TSPAN18: variants seen among roughly 807,000 people sequenced by gnomAD.
TSPAN18 encodes the protein tetraspanin-18.
A neutral mutation model predicts 27.3 loss-of-function variants in TSPAN18; 14 were observed. That is an observed-to-expected ratio of 0.51 (90% CI 0.34 to 0.80). The LOEUF (loss-of-function observed/expected upper bound fraction) is 0.80, where lower values mean the gene tolerates loss of function less well. Ranked by LOEUF, TSPAN18 falls within the 30% of genes least tolerant of loss-of-function variation. The pLI, the probability that TSPAN18 is intolerant of heterozygous loss-of-function variation, is 0.01. For missense variants in TSPAN18, 268 were observed against 323.9 expected, an observed-to-expected ratio of 0.83 and a Z score of 1.32; for synonymous variants, 143 against 136.5, an observed-to-expected ratio of 1.05 and a Z score of -0.33.
chr11:44,802,563 G>T (rs1856504803), intron 2 of TSPAN18, among the ~76,000 whole-genome samples: 1 of 145,762 alleles, frequency 6.9e-6, no homozygotes, highest in East Asian at 2.0e-4. Flanking sequence ...TGCCTCCCCA[G>T]CCCCCACTGG....
At chr11:44,862,744 C>T (rs1857931368) in intron 3 of TSPAN18, among the ~76,000 whole-genome samples, 1 of 152,210 alleles carries the variant, frequency 6.6e-6, no homozygotes, top group Non-Finnish European at 1.5e-5. Context: ...CATAACTGGG[C>T]TGGCTTGGTA....
At chr11:44,777,089 C>A (rs917154338) in intron 2 of TSPAN18, among the ~76,000 whole-genome samples, 2 of 152,166 alleles carry the variant, frequency 1.3e-5, no homozygotes, top group Admixed American at 1.3e-4. Flanking sequence ...TAGGAGCGGA[C>A]CTAGATGGGA....
intron 2 of TSPAN18, among the ~76,000 whole-genome samples, chr11:44,854,742 C>A (rs969138934): frequency 6.6e-6 from 1 of 152,128 alleles, no homozygotes; most frequent in Non-Finnish European, 1.5e-5. Flanking sequence ...TCACCTGGAT[C>A]CTACCGTTGC....
intron 2 of TSPAN18, among the ~76,000 whole-genome samples, chr11:44,846,264 C>T (rs1045874627): frequency 1.3e-5 from 2 of 152,248 alleles, no homozygotes; most frequent in Non-Finnish European, 2.9e-5. Context: ...GTGACTCTAG[C>T]ATTCCGGCTT....
chr11:44,906,638 G>A (rs930372385), intron 4 of TSPAN18, among the ~76,000 whole-genome samples, 159 bp downstream of exon 4: 2 of 152,218 alleles, frequency 1.3e-5, no homozygotes, highest in African/African-American at 2.4e-5. Flanking sequence ...GGGGCCCCCA[G>A]CAGTGCCCAC....
At chr11:44,880,820 C>T (rs757445231) in intron 3 of TSPAN18, among the ~76,000 whole-genome samples, 20 of 152,248 alleles carry the variant, frequency 1.3e-4, no homozygotes, top group Non-Finnish European at 7.3e-5. Context: ...TGACTGATTC[C>T]TCCGTGAGAG....
intron 2 of TSPAN18, among the ~76,000 whole-genome samples, chr11:44,854,143 C>G (rs776644729): frequency 3.5e-5 from 5 of 142,718 alleles, no homozygotes; most frequent in Non-Finnish European, 7.5e-5. Flanking sequence ...TATACACATA[C>G]ACACATGCCT....
At chr11:44,816,141 T>G (rs1279625651) in intron 2 of TSPAN18, among the ~76,000 whole-genome samples, 1 of 140,396 alleles carries the variant, frequency 7.1e-6, no homozygotes, top group African/African-American at 2.6e-5. Flanking sequence ...TAAATCACTT[T>G]TATTGTTAGC....
intron 4 of TSPAN18, among the ~76,000 whole-genome samples, chr11:44,908,829 A>AAGAAAGAAAGAAAGAAAG (rs765443858): frequency 1.9e-5 from 2 of 103,320 alleles, no homozygotes; most frequent in Non-Finnish European, 3.8e-5. Context: ...GAAAGAAAGA[A>AAGAAAGAAAGAAAGAAAG]AAAGAAAAAT....
intron 2 of TSPAN18, among the ~76,000 whole-genome samples, chr11:44,830,427 G>T (rs1346215553): frequency 5.3e-5 from 8 of 152,234 alleles, no homozygotes; most frequent in Non-Finnish European, 7.3e-5. Flanking sequence ...TGGCATAAAG[G>T]TGTGGCTTGA....
At position 44,890,742 on chromosome 11, in the gene TSPAN18, C is replaced by CAAAA. The variant is rs60185116; in HGVS notation, c.-10-15647_-10-15644dup. On this transcript the variant is annotated intron_variant, in intron 3 of 9. Transcript: ENST00000520358. ...TTGGCAACAGAGCAAGACTCCAACT[C>CAAAA]AAAAAAAAAAAAAAAAAAAAATTTG... 3.9e-3 allele frequency among the ~76,000 whole-genome samples: 315 copies of CAAAA among 80,262 alleles called. 1 individual carries two copies. Among genetic ancestry groups the CAAAA allele is most frequent in the Middle Eastern group, 8.8e-3 (1 of 114 alleles). The allele number at this position is 80,262 out of a possible 152,430, so 52.7% of individuals were successfully genotyped here.
chr11:44,843,844 C>T (rs553882933), intron 2 of TSPAN18, among the ~76,000 whole-genome samples: 64 of 152,326 alleles, frequency 4.2e-4, no homozygotes, highest in Non-Finnish European at 6.6e-4. Context: ...CTCTCTTATT[C>T]CCTGAACAAT....
rs971887143 is a variant in TSPAN18, at chr11:44,727,232, T to C, written c.-295T>C. 2 of 151,228 alleles carry C rather than the reference T, an allele frequency of 1.3e-5. No homozygotes were observed. Among genetic ancestry groups the C allele is most frequent in the African/African-American group, 4.9e-5 (2 of 41,146 alleles). 9.4% of individuals were successfully genotyped at this position (151,228 alleles called of 1,614,324 possible). On this transcript the variant is annotated 5_prime_UTR_variant, in exon 1 of 10. Coordinates refer to ENST00000520358, the MANE Select transcript of TSPAN18 (RefSeq NM_130783.5). ...GAGCGCGCCCCTCCGACCAGGAAAG[T>C]TTCCCCCCGGCCGCCGGCGGGATTT...
In TSPAN18 at chr11:44,920,501, C is replaced by T. The variant is rs764031157; in HGVS notation, c.615+502C>T. On this transcript the variant is annotated intron_variant, in intron 8 of 9. Coordinates refer to ENST00000520358, the MANE Select transcript of TSPAN18 (RefSeq NM_130783.5). ...TTCTCTTGCAACCTGAGGACTTCCT[C>T]GCAGCCTTGGAAGAAACCCTTTCCC... is the stretch of plus-strand genomic sequence containing the variant. Among the ~76,000 whole-genome samples the T allele has an allele frequency of 9.2e-5, 14 of 152,312 alleles. No homozygotes were observed. In the East Asian group the frequency reaches 1.5e-3, roughly 17 times the overall value.
intron 2 of TSPAN18, among the ~76,000 whole-genome samples, chr11:44,830,519 T>TGGTTAGGCACCAGCCAC (rs1377766481): frequency 6.6e-6 from 1 of 151,930 alleles, no homozygotes; most frequent in Non-Finnish European, 1.5e-5. Context: ...TATTGAGCAT[T>TGGTTAGGCACCAGCCAC]GGTTAGGCAC....
intron 2 of TSPAN18, among the ~76,000 whole-genome samples, chr11:44,840,950 G>T (rs1857360067): frequency 6.6e-6 from 1 of 152,108 alleles, no homozygotes; most frequent in Non-Finnish European, 1.5e-5. Context: ...ATGACACAAG[G>T]ATGCAAAGAG....
intron 3 of TSPAN18, among the ~76,000 whole-genome samples, chr11:44,884,261 C>A (rs1269693558): frequency 6.6e-6 from 1 of 152,144 alleles, no homozygotes; most frequent in Non-Finnish European, 1.5e-5. Context: ...CCATTATGGC[C>A]CCAGAGACGG....
At chr11:44,756,139 C>T (rs558984829) in intron 1 of TSPAN18, among the ~76,000 whole-genome samples, 3 of 152,226 alleles carry the variant, frequency 2.0e-5, no homozygotes, top group East Asian at 3.9e-4. Context: ...CTCTGAAATC[C>T]GACTGACTTG....
At chr11:44,819,992 T>C (rs7938808) in intron 2 of TSPAN18, among the ~76,000 whole-genome samples, 26,823 of 152,000 alleles carry the variant, frequency 0.18, 3,514 homozygotes, top group East Asian at 0.65. Flanking sequence ...CAGAGAACCA[T>C]CTGCACTAGC....
Sources: allele counts gnomAD v4.1 joint callset (sites outside exome capture counted in the v4.1 genomes callset), GRCh38; gene constraint gnomAD v4.1.1; transcripts MANE v1.5; gene names NCBI Gene and HGNC (gene_info 2026-07-23, HGNC 2026-07-21).